Variants in RBFOX1 observed in about 807,000 individuals in gnomAD.
The protein encoded by RBFOX1 is RNA binding fox-1 homolog 1.
RBFOX1 carries 8 observed loss-of-function variants against 57.7 expected under a neutral mutation model. That is an observed-to-expected ratio of 0.14 (90% CI 0.08 to 0.25). The LOEUF is 0.25. Among genes scored for constraint, RBFOX1 ranks in the 10% least tolerant of loss-of-function variants. The probability of loss-of-function intolerance (pLI) is 1.00; values close to 1 mark genes in which losing one functional copy is unlikely to be tolerated. For missense variants in RBFOX1, 611 were observed against 548.5 expected (o/e 1.11, Z -1.14); for synonymous variants, 326 against 222.4 (o/e 1.47, Z -4.15).
chr16:6,235,311 C>T (rs957439515), intron 1 of RBFOX1, among the ~76,000 whole-genome samples: 3 of 152,068 alleles, frequency 2.0e-5, no homozygotes, highest in Admixed American at 1.3e-4. Context: ...ACTTACTTTC[C>T]ACCTATTCAG....
intron 4 of RBFOX1, among the ~76,000 whole-genome samples, chr16:7,120,857 A>ATACACACACACACACACACG (rs2067015006): frequency 6.6e-6 from 1 of 150,542 alleles, no homozygotes; most frequent in African/African-American, 2.4e-5. Flanking sequence ...ACACACACAC[A>ATACACACACACACACACACG]CATACGTAAA....
chr16:7,251,905 C>T (rs1358820867), intron 4 of RBFOX1, among the ~76,000 whole-genome samples: 1 of 152,118 alleles, frequency 6.6e-6, no homozygotes, highest in Admixed American at 6.5e-5. Context: ...TTTAAGGAAC[C>T]TCCATACCAT....
intron 3 of RBFOX1, among the ~76,000 whole-genome samples, chr16:6,778,334 C>G (rs1206390944): frequency 6.6e-6 from 1 of 152,126 alleles, no homozygotes; most frequent in Non-Finnish European, 1.5e-5. Flanking sequence ...GTACCCATCC[C>G]CAGATTCGAT....
chr16:6,348,164 G>C (rs189129428), intron 2 of RBFOX1, among the ~76,000 whole-genome samples: 2 of 152,274 alleles, frequency 1.3e-5, no homozygotes, highest in East Asian at 3.9e-4. Context: ...GAGCACTGTA[G>C]GAGAGGAGAT....
intron 10 of RBFOX1, among the ~76,000 whole-genome samples, chr16:7,608,659 G>A (rs975239840): frequency 2.6e-5 from 4 of 152,140 alleles, no homozygotes; most frequent in Non-Finnish European, 5.9e-5. Flanking sequence ...CACCAGCAGT[G>A]TGACTCTGGG....
intron 2 of RBFOX1, among the ~76,000 whole-genome samples, chr16:5,504,310 G>A (rs2043302742): frequency 6.6e-6 from 1 of 152,216 alleles, no homozygotes; most frequent in Non-Finnish European, 1.5e-5. Flanking sequence ...TTTGAGGCAG[G>A]GCCTGCCAGG....
chr16:6,647,530 G>A (rs549692571), intron 2 of RBFOX1, among the ~76,000 whole-genome samples: 35 of 152,242 alleles, frequency 2.3e-4, no homozygotes, highest in Non-Finnish European at 4.3e-4. Context: ...TTATAGGCGT[G>A]AGCCACCACA....
At chr16:5,785,478 G>C (rs752592454) in intron 3 of RBFOX1, among the ~76,000 whole-genome samples, 1 of 151,584 alleles carries the variant, frequency 6.6e-6, no homozygotes, top group African/African-American at 2.4e-5. Context: ...ATATTATCAG[G>C]GTCTCTGCAT....
intron 4 of RBFOX1, among the ~76,000 whole-genome samples, chr16:7,080,936 C>G (rs2059099081): frequency 6.6e-6 from 1 of 152,320 alleles, no homozygotes; most frequent in South Asian, 2.1e-4. Flanking sequence ...TGGAGCAAAA[C>G]ACAGATAGCA....
intron 3 of RBFOX1, among the ~76,000 whole-genome samples, chr16:6,933,090 A>G (rs568290278): frequency 6.6e-6 from 1 of 152,306 alleles, no homozygotes; most frequent in South Asian, 2.1e-4. Flanking sequence ...CTGTCTAAGG[A>G]TGAATTACAT....
chr16:6,969,919 C>G (rs1351599746), intron 3 of RBFOX1, among the ~76,000 whole-genome samples: 1 of 152,160 alleles, frequency 6.6e-6, no homozygotes, highest in East Asian at 1.9e-4. Context: ...AGTAGTCTGT[C>G]ATAGATTTCC....
intron 4 of RBFOX1, among the ~76,000 whole-genome samples, chr16:7,316,127 C>T (rs2096433512): frequency 2.0e-5 from 3 of 152,096 alleles, no homozygotes; most frequent in African/African-American, 7.2e-5. Flanking sequence ...ATGCAGCGTG[C>T]CAAGAAGATT....
At chr16:5,547,127 C>T (rs190629433) in intron 2 of RBFOX1, among the ~76,000 whole-genome samples, 1 of 152,266 alleles carries the variant, frequency 6.6e-6, no homozygotes, top group Admixed American at 6.5e-5. Context: ...TGAAGAGAAG[C>T]TGGAACTCTC....
At chr16:6,183,955 G>A (rs1041117595) in intron 1 of RBFOX1, among the ~76,000 whole-genome samples, 8 of 152,224 alleles carry the variant, frequency 5.3e-5, no homozygotes, top group Admixed American at 3.9e-4. Flanking sequence ...ATACCTGAGA[G>A]TGGGTCATTT....
chr16:7,088,662 A>C (rs1484143354), intron 4 of RBFOX1, among the ~76,000 whole-genome samples: 2 of 152,190 alleles, frequency 1.3e-5, no homozygotes, highest in African/African-American at 2.4e-5. Context: ...TGAATGGTTT[A>C]GAAAAAATTA....
At chr16:7,386,005 G>A (rs955793924) in intron 4 of RBFOX1, among the ~76,000 whole-genome samples, 16 of 151,232 alleles carry the variant, frequency 1.1e-4, no homozygotes, top group Admixed American at 3.3e-4. Flanking sequence ...TGGCCAGGCT[G>A]GTCTCGAACT....
chr16:5,307,610 G>C (rs1212770127), intron 1 of RBFOX1, among the ~76,000 whole-genome samples: 1 of 152,046 alleles, frequency 6.6e-6, no homozygotes, highest in Non-Finnish European at 1.5e-5. Flanking sequence ...ACACACACCG[G>C]GAATTGTGCA....
chr16:6,611,200 A>T (rs1567874675), intron 2 of RBFOX1, among the ~76,000 whole-genome samples: 1 of 152,268 alleles, frequency 6.6e-6, no homozygotes, highest in East Asian at 1.9e-4. Flanking sequence ...AGGCTGGAGT[A>T]TAATGGTGCA....
intron 2 of RBFOX1, among the ~76,000 whole-genome samples, chr16:6,383,165 A>G (rs1224340451): frequency 6.6e-6 from 1 of 152,212 alleles, no homozygotes; most frequent in East Asian, 1.9e-4. Flanking sequence ...ATTTTGGTAA[A>G]TCTTCCAAGA....
Sources: gnomAD v4.1 joint callset for allele counts (sites outside exome capture counted in the v4.1 genomes callset) on GRCh38, gnomAD v4.1.1 for gene constraint, MANE v1.5 for transcripts, NCBI Gene and HGNC (gene_info 2026-07-23, HGNC 2026-07-21) for gene names.